Variants in EYS observed in about 807,000 individuals in gnomAD.
The protein encoded by EYS is protein eyes shut homolog.
A neutral mutation model predicts 282.1 loss-of-function variants in EYS; 250 were observed. The observed-to-expected ratio is 0.89, with a 90% confidence interval of 0.80 to 0.98. The LOEUF (loss-of-function observed/expected upper bound fraction) is 0.98, where lower values mean the gene tolerates loss of function less well. Ranked by LOEUF, EYS falls within the 50% of genes least tolerant of loss-of-function variation. The pLI, the probability that EYS is intolerant of heterozygous loss-of-function variation, is 0.00. For synonymous variants in EYS, 1,355 were observed against 1,282.9 expected (o/e 1.06, Z -1.20); for missense variants, 4,016 against 3,709.0 (o/e 1.08, Z -2.15).
intron 22 of EYS, among the ~76,000 whole-genome samples, chr6:64,690,201 T>A (rs1375059528): frequency 6.6e-6 from 1 of 151,982 alleles, no homozygotes; most frequent in African/African-American, 2.4e-5. Context: ...AGAAGACATT[T>A]ATGCAGCCAA....
chr6:65,513,700 T>A (rs1382144646), intron 2 of EYS, among the ~76,000 whole-genome samples: 1 of 152,068 alleles, frequency 6.6e-6, no homozygotes, highest in African/African-American at 2.4e-5. Flanking sequence ...CACATGATTA[T>A]CTCAATAGAT....
At chr6:65,497,449 T>C (rs1417488898) in intron 2 of EYS, among the ~76,000 whole-genome samples, 3 of 151,974 alleles carry the variant, frequency 2.0e-5, no homozygotes, top group Admixed American at 2.0e-4. Flanking sequence ...AGCATCTACA[T>C]CTAAAGATTT....
At chr6:64,018,592 G>A (rs9353437) in intron 33 of EYS, among the ~76,000 whole-genome samples, 37,256 of 151,678 alleles carry the variant, frequency 0.25, 5,174 homozygotes, top group Middle Eastern at 0.34. Context: ...TCTAGCATAT[G>A]GTAGAAAAAT....
chr6:64,281,773 A>G (rs1307272068), intron 30 of EYS, among the ~76,000 whole-genome samples: 1 of 152,126 alleles, frequency 6.6e-6, no homozygotes, highest in Non-Finnish European at 1.5e-5. Flanking sequence ...TTGTGCATAT[A>G]TGGCATGATT....
intron 29 of EYS, among the ~76,000 whole-genome samples, 154 bp downstream of exon 29, chr6:64,388,536 T>A (rs1375277253): frequency 6.6e-6 from 1 of 152,166 alleles, no homozygotes. Flanking sequence ...AAAATATATA[T>A]GTTAGTAGAG....
intron 22 of EYS, among the ~76,000 whole-genome samples, chr6:64,693,343 CT>C (rs1425132487): frequency 6.6e-6 from 1 of 151,708 alleles, no homozygotes; most frequent in Admixed American, 6.6e-5. Context: ...CGAAATATTT[CT>C]AAAAATTTAT....
chr6:65,181,836 A>G (rs1169531626), intron 12 of EYS, among the ~76,000 whole-genome samples: 1 of 152,154 alleles, frequency 6.6e-6, no homozygotes, highest in Non-Finnish European at 1.5e-5. Context: ...AGACTGGATT[A>G]AGAAAATGTG....
intron 29 of EYS, among the ~76,000 whole-genome samples, chr6:64,377,098 T>C (rs371044818): frequency 7.2e-5 from 11 of 152,104 alleles, no homozygotes; most frequent in African/African-American, 2.7e-4. Context: ...GATAGATAGA[T>C]AGATAGATGG....
At chr6:64,664,495 G>A (rs965102939) in intron 22 of EYS, among the ~76,000 whole-genome samples, 4 of 152,142 alleles carry the variant, frequency 2.6e-5, no homozygotes, top group Admixed American at 1.3e-4. Flanking sequence ...CTGGAAAGAG[G>A]GGAAGTGGGA....
intron 1 of EYS, among the ~76,000 whole-genome samples, chr6:65,685,977 T>A (rs1187467158): frequency 6.6e-6 from 1 of 151,990 alleles, no homozygotes; most frequent in African/African-American, 2.4e-5. Flanking sequence ...ACTGAAAAAC[T>A]TATTCCCCCA....
intron 22 of EYS, among the ~76,000 whole-genome samples, chr6:64,739,537 C>T (rs1011801963): frequency 1.1e-4 from 16 of 152,140 alleles, no homozygotes; most frequent in Admixed American, 6.5e-4. Context: ...AATCTCTAAT[C>T]GTATCAGACA....
chr6:64,788,072 GT>G lies in EYS; in HGVS notation c.3443+25305del, dbSNP rs1583159262. On this transcript the variant is annotated intron_variant, in intron 22 of 42. Transcript: ENST00000503581. ...CTCCCTCTTCAATGTTTCTGGGGTT[GT>G]TTGTTTGTTTTAAGTGTTAGAAGAT... Among the ~76,000 whole-genome samples the G allele has an allele frequency of 2.0e-5, 3 of 151,914 alleles. No individual in the cohort carries two copies. In the East Asian group the frequency reaches 5.8e-4, roughly 29 times the overall value.
chr6:64,325,792 T>C (rs1315758907), intron 29 of EYS, among the ~76,000 whole-genome samples: 1 of 151,972 alleles, frequency 6.6e-6, no homozygotes, highest in Non-Finnish European at 1.5e-5. Context: ...AGCAATATAA[T>C]TGAACAAGTA....
chr6:63,916,493 C>A (rs1764425503), intron 35 of EYS, among the ~76,000 whole-genome samples: 1 of 152,012 alleles, frequency 6.6e-6, no homozygotes, highest in Admixed American at 6.6e-5. Context: ...TTTTCTTGTG[C>A]TTTTTGGCCA....
At chr6:64,539,787 A>G (rs1372798260) in intron 26 of EYS, among the ~76,000 whole-genome samples, 1 of 152,166 alleles carries the variant, frequency 6.6e-6, no homozygotes, top group African/African-American at 2.4e-5. Flanking sequence ...TATCTACTAT[A>G]CTTTCTTTCC....
intron 12 of EYS, among the ~76,000 whole-genome samples, chr6:65,254,492 T>C (rs1767408797): frequency 6.6e-6 from 1 of 151,894 alleles, no homozygotes; most frequent in African/African-American, 2.4e-5. Flanking sequence ...TACTGCATTT[T>C]GAATGATAAA....
chr6:64,156,102 CTG>C (rs1252308476), intron 31 of EYS, among the ~76,000 whole-genome samples: 5 of 151,050 alleles, frequency 3.3e-5, no homozygotes, highest in African/African-American at 1.2e-4. Context: ...TGGTTTGACT[CTG>C]TGTCCCCACC....
At chr6:64,748,263 T>C (rs1276038149) in intron 22 of EYS, among the ~76,000 whole-genome samples, 1 of 152,222 alleles carries the variant, frequency 6.6e-6, no homozygotes, top group Non-Finnish European at 1.5e-5. Context: ...ATGCTGGCAT[T>C]CCAGCTACTC....
chr6:64,171,542 C>G lies in EYS; in HGVS notation c.6424+59050G>C, dbSNP rs371633639. On this transcript the variant is annotated intron_variant, in intron 31 of 42. Coordinates refer to ENST00000503581, the MANE Select transcript of EYS (RefSeq NM_001142800.2). ...CTAGAATGTACTTACTCTTAAAGTA[C>G]CATTGAGAAATACTTAGGTATAGCA... Among the ~76,000 whole-genome samples the G allele has an allele frequency of 1.3e-4, 19 of 151,654 alleles. No individual in the cohort carries two copies. In the East Asian group the frequency reaches 3.3e-3, roughly 26 times the overall value.
Sources: allele counts gnomAD v4.1 joint callset (sites outside exome capture counted in the v4.1 genomes callset), GRCh38; gene constraint gnomAD v4.1.1; transcripts MANE v1.5; gene names NCBI Gene and HGNC (gene_info 2026-07-23, HGNC 2026-07-21).